Variants in CTNNA3 observed in about 807,000 individuals in gnomAD.
The protein encoded by CTNNA3 is catenin alpha-3.
In CTNNA3, 76 loss-of-function variants were observed where a neutral mutation model predicts 95.7. The ratio of observed to expected loss-of-function variants is 0.79; its 90% CI spans 0.66 to 0.96. The LOEUF is 0.96. CTNNA3 is among the 40% of genes least tolerant of loss of function. CTNNA3 has a pLI of 0.00. For synonymous variants in CTNNA3, 431 were observed against 374.4 expected (o/e 1.15, Z -1.74); for missense variants, 1,191 against 1,089.8 (o/e 1.09, Z -1.31).
chr10:66,540,210 G>A (rs1841801751), intron 10 of CTNNA3, among the ~76,000 whole-genome samples: 1 of 152,084 alleles, frequency 6.6e-6, no homozygotes, highest in South Asian at 2.1e-4. Flanking sequence ...TAAATATGAG[G>A]TATCTATGTA....
intron 15 of CTNNA3, among the ~76,000 whole-genome samples, chr10:66,009,127 G>A (rs538271668): frequency 6.6e-6 from 1 of 151,940 alleles, no homozygotes; most frequent in African/African-American, 2.4e-5. Context: ...TGTACTTCAC[G>A]TAGTCTTCTT....
At chr10:66,101,003 C>T (rs781033172) in intron 14 of CTNNA3, among the ~76,000 whole-genome samples, 7 of 152,132 alleles carry the variant, frequency 4.6e-5, no homozygotes, top group South Asian at 2.1e-4. Context: ...TAAAAAGAGC[C>T]TTAATTTTAA....
At chr10:66,552,878 A>C (rs953392692) in intron 10 of CTNNA3, among the ~76,000 whole-genome samples, 2 of 150,670 alleles carry the variant, frequency 1.3e-5, no homozygotes, top group African/African-American at 4.9e-5. Context: ...CGTTTAGCCT[A>C]TTTTCTTTGA....
chr10:67,625,782 A>G (rs573048881), intron 2 of CTNNA3, among the ~76,000 whole-genome samples: 34 of 152,310 alleles, frequency 2.2e-4, no homozygotes, highest in African/African-American at 7.9e-4. Context: ...TCTAATGGCT[A>G]GGATTCCACT....
intron 7 of CTNNA3, among the ~76,000 whole-genome samples, chr10:66,960,872 A>C (rs1925565): frequency 0.97 from 146,941 of 152,192 alleles, 71,153 homozygotes; most frequent in East Asian, 1. Flanking sequence ...GAAGGAAAGG[A>C]TCTGTAGAAA....
At chr10:66,952,509 C>G (rs765197709) in intron 7 of CTNNA3, among the ~76,000 whole-genome samples, 49 of 152,104 alleles carry the variant, frequency 3.2e-4, no homozygotes, top group Middle Eastern at 3.4e-3. Flanking sequence ...GATATCATAC[C>G]TAATGGAAAA....
At chr10:66,122,431 G>A (rs944290305) in intron 13 of CTNNA3, among the ~76,000 whole-genome samples, 2 of 152,122 alleles carry the variant, frequency 1.3e-5, no homozygotes, top group Non-Finnish European at 2.9e-5. Context: ...ACATTGAAAT[G>A]ATAATGGCTG....
At chr10:66,273,078 T>G (rs1034055698) in intron 13 of CTNNA3, among the ~76,000 whole-genome samples, 1 of 152,226 alleles carries the variant, frequency 6.6e-6, no homozygotes, top group Admixed American at 6.5e-5. Context: ...ACTGTAGATC[T>G]TAGTAACCTT....
intron 11 of CTNNA3, among the ~76,000 whole-genome samples, chr10:66,516,242 G>A (rs981898124): frequency 1.3e-5 from 2 of 151,988 alleles, no homozygotes; most frequent in African/African-American, 4.8e-5. Flanking sequence ...AAATTATGAT[G>A]TTACAAAAAG....
At chr10:66,641,558 T>A (rs1460934239) in intron 9 of CTNNA3, among the ~76,000 whole-genome samples, 1 of 152,204 alleles carries the variant, frequency 6.6e-6, no homozygotes, top group Non-Finnish European at 1.5e-5. Context: ...TTATCTTTGT[T>A]ATTTGATCTT....
At chr10:66,922,869 T>G (rs1200915494) in intron 7 of CTNNA3, among the ~76,000 whole-genome samples, 2 of 152,188 alleles carry the variant, frequency 1.3e-5, no homozygotes, top group Non-Finnish European at 2.9e-5. Flanking sequence ...GTACATGAGA[T>G]GTTTTGATAT....
At chr10:66,445,743 C>T (rs1290750559) in intron 11 of CTNNA3, among the ~76,000 whole-genome samples, 1 of 151,558 alleles carries the variant, frequency 6.6e-6, no homozygotes, top group East Asian at 1.9e-4. Context: ...AATTGACACC[C>T]TAACATCACA....
upstream of CTNNA3, among the ~76,000 whole-genome samples, chr10:67,699,805 C>T (rs183714552): frequency 1.4e-3 from 207 of 152,318 alleles, 1 homozygote; most frequent in Non-Finnish European, 2.0e-3. Flanking sequence ...GTTCGCGAGC[C>T]GAAGTCGGGC....
intron 10 of CTNNA3, among the ~76,000 whole-genome samples, chr10:66,543,198 T>G (rs1014126971): frequency 6.6e-6 from 1 of 152,072 alleles, no homozygotes; most frequent in Admixed American, 6.6e-5. Flanking sequence ...GTTCAAGCAA[T>G]TCTCCTGTCT....
chr10:67,499,390 T>A (rs943842075), intron 5 of CTNNA3, among the ~76,000 whole-genome samples: 16 of 152,264 alleles, frequency 1.1e-4, no homozygotes, highest in African/African-American at 3.4e-4. Context: ...TGGCCCCAAA[T>A]TTTCTTTTTT....
At chr10:67,173,152 T>C (rs1258857929) in intron 7 of CTNNA3, among the ~76,000 whole-genome samples, 3 of 152,188 alleles carry the variant, frequency 2.0e-5, no homozygotes, top group Non-Finnish European at 4.4e-5. Flanking sequence ...AACCTTTTGA[T>C]TTTTGCTATT....
chr10:66,999,430 A>G (rs953737022), intron 7 of CTNNA3, among the ~76,000 whole-genome samples: 1 of 152,160 alleles, frequency 6.6e-6, no homozygotes, highest in Non-Finnish European at 1.5e-5. Context: ...AATTAAGATC[A>G]TCAATTTGTA....
intron 2 of CTNNA3, among the ~76,000 whole-genome samples, chr10:67,627,318 G>A (rs568772113): frequency 2.0e-4 from 31 of 152,234 alleles, no homozygotes; most frequent in Non-Finnish European, 3.4e-4. Flanking sequence ...CCTACCCTTC[G>A]TAGTCATCCT....
rs60400266 is a variant in CTNNA3 at position 66,309,685 on chromosome 10, C to CAAAAAAAAAAAA, written c.1733-29076_1733-29065dup. On this transcript the variant is annotated intron_variant, in intron 12 of 17. Coordinates refer to ENST00000433211, the MANE Select transcript of CTNNA3 (RefSeq NM_013266.4). ...TAGGCGGCAGAGCGAGACTCCGTCTCAAAAAAAAAAAAAAAAAAAAAAAAA... is the reference window on the plus strand; with the variant it reads ...TAGGCGGCAGAGCGAGACTCCGTCTCAAAAAAAAAAAAAAAAAAAAAAAAAAAAAAAAAAAAA... Among the ~76,000 whole-genome samples the CAAAAAAAAAAAA allele has an allele frequency of 2.1e-3, 89 of 41,778 alleles. 6 individuals are homozygous for CAAAAAAAAAAAA. The highest frequency in any genetic ancestry group is 0.015 in the East Asian group (13 of 870). The allele number at this position is 41,778 out of a possible 152,430, so 27.4% of individuals were successfully genotyped here.
Sources: allele counts gnomAD v4.1 joint callset (sites outside exome capture counted in the v4.1 genomes callset), GRCh38; gene constraint gnomAD v4.1.1; transcripts MANE v1.5; gene names NCBI Gene and HGNC (gene_info 2026-07-23, HGNC 2026-07-21).